The following NELL2 variants were observed in gnomAD, a reference collection of about 807,000 sequenced individuals.
NELL2 encodes the protein neural EGFL like 2, also known as protein kinase C-binding protein NELL2.
In NELL2, 41 loss-of-function variants were observed where a neutral mutation model predicts 109.6. The observed-to-expected ratio is 0.37, with a 90% CI of 0.29 to 0.49. NELL2 has a LOEUF of 0.49. Ranked by LOEUF, NELL2 falls within the 20% of genes least tolerant of loss-of-function variation. The probability of loss-of-function intolerance (pLI) is 0.98; values close to 1 mark genes in which losing one functional copy is unlikely to be tolerated. For missense variants in NELL2, 900 were observed against 1,008.3 expected (o/e 0.89, Z 1.45); for synonymous variants, 355 against 344.7 (o/e 1.03, Z -0.33).
At chr12:44,565,205 C>G (rs113186447) in intron 15 of NELL2, among the ~76,000 whole-genome samples, 3 of 152,084 alleles carry the variant, frequency 2.0e-5, no homozygotes, top group African/African-American at 7.2e-5. Flanking sequence ...TATTCTCCTC[C>G]TTTTAGTTTT....
intron 3 of NELL2, among the ~76,000 whole-genome samples, chr12:44,796,337 A>G (rs1217095462): frequency 5.3e-5 from 8 of 152,114 alleles, no homozygotes; most frequent in African/African-American, 1.9e-4. Flanking sequence ...TACTGAACTA[A>G]TGGTGCTTAA....
upstream of NELL2, among the ~76,000 whole-genome samples, chr12:44,916,976 T>C (rs1279692203): frequency 4.6e-5 from 7 of 152,220 alleles, no homozygotes; most frequent in South Asian, 2.1e-4. Flanking sequence ...ATTTTTATTC[T>C]ACTCAAATTA....
chr12:44,609,967 T>C lies in NELL2; in HGVS notation c.1567+881A>G, dbSNP rs562489019. ...ATTATAAGGGATGTAAATGTTATAC[T>C]ATGGGAGTTCACAGTTTCCAAAAAG... is the stretch of plus-strand genomic sequence containing the variant. On this transcript the variant is annotated intron_variant, in intron 14 of 19. Coordinates refer to ENST00000429094, the MANE Select transcript of NELL2 (RefSeq NM_001145108.2). 5.3e-5 allele frequency among the ~76,000 whole-genome samples: 8 copies of C among 152,066 alleles called. No homozygotes were observed. The East Asian group carries it at 1.5e-3, about 29-fold the overall frequency.
At chr12:44,754,479 T>C (rs542165822) in intron 9 of NELL2, among the ~76,000 whole-genome samples, 2 of 152,312 alleles carry the variant, frequency 1.3e-5, no homozygotes, top group African/African-American at 4.8e-5. Flanking sequence ...AGTATTTACA[T>C]TACTAAAGTC....
intron 16 of NELL2, among the ~76,000 whole-genome samples, chr12:44,526,972 A>G (rs1191006029): frequency 6.6e-6 from 1 of 152,210 alleles, no homozygotes; most frequent in Admixed American, 6.5e-5. Context: ...TACGGTATTT[A>G]GAGCTACCTC....
At chr12:44,710,605 C>T (rs1938144875) in intron 11 of NELL2, among the ~76,000 whole-genome samples, 1 of 151,998 alleles carries the variant, frequency 6.6e-6, no homozygotes, top group Non-Finnish European at 1.5e-5. Flanking sequence ...AATAAGATAC[C>T]TAGTTTAAAA....
chr12:44,560,440 T>C (rs1160715283), intron 15 of NELL2, among the ~76,000 whole-genome samples: 2 of 151,606 alleles, frequency 1.3e-5, no homozygotes, highest in Non-Finnish European at 1.5e-5. Flanking sequence ...GCTAGACTAA[T>C]AAAGAAGAAA....
At chr12:44,685,195 T>C (rs931374330) in intron 12 of NELL2, among the ~76,000 whole-genome samples, 2 of 152,172 alleles carry the variant, frequency 1.3e-5, no homozygotes, top group African/African-American at 4.8e-5. Context: ...TTTTGATCTT[T>C]GTTGGTTTAA....
intron 15 of NELL2, among the ~76,000 whole-genome samples, chr12:44,538,385 T>C (rs1314368413): frequency 1.3e-5 from 2 of 152,244 alleles, no homozygotes; most frequent in African/African-American, 4.8e-5. Context: ...AAGAGGTATC[T>C]AATATGTGCA....
At chr12:44,708,256 A>C (rs890058771) in intron 11 of NELL2, among the ~76,000 whole-genome samples, 3 of 152,198 alleles carry the variant, frequency 2.0e-5, no homozygotes, top group Non-Finnish European at 4.4e-5. Flanking sequence ...CTGCTACTAC[A>C]GAAGATGGCT....
intron 19 of NELL2, among the ~76,000 whole-genome samples, chr12:44,514,308 C>G (rs1334696606): frequency 6.6e-6 from 1 of 151,758 alleles, no homozygotes; most frequent in East Asian, 1.9e-4. Flanking sequence ...GATGGAGACT[C>G]CAATATGTAA....
chr12:44,618,276 A>G (rs761103122), intron 13 of NELL2, among the ~76,000 whole-genome samples: 3 of 152,184 alleles, frequency 2.0e-5, no homozygotes, highest in Non-Finnish European at 2.9e-5. Context: ...ATTCTATTCA[A>G]TACTGACTTC....
At chr12:44,566,058 T>C (rs1328255824) in intron 15 of NELL2, among the ~76,000 whole-genome samples, 1 of 152,166 alleles carries the variant, frequency 6.6e-6, no homozygotes, top group Non-Finnish European at 1.5e-5. Flanking sequence ...TAGGAGCCTC[T>C]GGCAATAGTT....
intron 9 of NELL2, among the ~76,000 whole-genome samples, chr12:44,729,613 T>C (rs1939262970): frequency 6.7e-6 from 1 of 149,512 alleles, no homozygotes. Flanking sequence ...ACAAAAGACT[T>C]ACCTAAGATT....
intron 13 of NELL2, among the ~76,000 whole-genome samples, chr12:44,661,511 C>T (rs1267746001): frequency 2.6e-5 from 4 of 152,114 alleles, no homozygotes; most frequent in East Asian, 1.9e-4. Context: ...ACCGGTAACT[C>T]GAATGTCTTC....
At chr12:44,864,491 G>A (rs1269982777) in intron 2 of NELL2, among the ~76,000 whole-genome samples, 1 of 152,048 alleles carries the variant, frequency 6.6e-6, no homozygotes, top group East Asian at 1.9e-4. Flanking sequence ...TATATAAAGA[G>A]ATAAATTTAT....
intron 3 of NELL2, among the ~76,000 whole-genome samples, chr12:44,814,095 C>T (rs1274965877): frequency 6.6e-6 from 1 of 152,186 alleles, no homozygotes; most frequent in South Asian, 2.1e-4. Flanking sequence ...CCATCTAGGA[C>T]TCACAGTTGA....
At chr12:44,728,246 T>G (rs1482775366) in intron 9 of NELL2, among the ~76,000 whole-genome samples, 4 of 152,060 alleles carry the variant, frequency 2.6e-5, no homozygotes, top group South Asian at 4.1e-4. Flanking sequence ...AGACAGTAAT[T>G]TTTTTAAATG....
At chr12:44,649,809 A>T (rs1947238835) in intron 13 of NELL2, among the ~76,000 whole-genome samples, 1 of 152,200 alleles carries the variant, frequency 6.6e-6, no homozygotes, top group Non-Finnish European at 1.5e-5. Context: ...CTGAGATTCA[A>T]AAAGACTGAG....
Sources: allele counts gnomAD v4.1 joint callset (sites outside exome capture counted in the v4.1 genomes callset), GRCh38; gene constraint gnomAD v4.1.1; transcripts MANE v1.5; gene names NCBI Gene and HGNC (gene_info 2026-07-23, HGNC 2026-07-21).